The following FOXO3 variants were observed in gnomAD, a reference collection of about 807,000 sequenced individuals.
FOXO3 encodes the protein forkhead box O3, also known as forkhead box protein O3.
A neutral mutation model predicts 41.9 loss-of-function variants in FOXO3; 4 were observed. The observed-to-expected ratio is 0.10, with a 90% confidence interval of 0.05 to 0.22. The LOEUF is 0.22. Among genes scored for constraint, FOXO3 ranks in the 10% least tolerant of loss-of-function variants. The pLI, the probability that FOXO3 is intolerant of heterozygous loss-of-function variation, is 1.00. For synonymous variants in FOXO3, 318 were observed against 389.3 expected (o/e 0.82, Z 2.16); for missense variants, 534 against 906.8 (o/e 0.59, Z 5.28).
At chr6:108,635,482 G>T (rs780675105) in intron 1 of FOXO3, among the ~76,000 whole-genome samples, 6 of 152,108 alleles carry the variant, frequency 3.9e-5, no homozygotes, top group Non-Finnish European at 7.4e-5. Context: ...TGCTAAAGTC[G>T]AGCAGTGGGT....
At chr6:108,610,753 A>C (rs1777337910) in intron 1 of FOXO3, among the ~76,000 whole-genome samples, 1 of 152,222 alleles carries the variant, frequency 6.6e-6, no homozygotes, top group Non-Finnish European at 1.5e-5. Flanking sequence ...TTTTCCTATA[A>C]TCCTGCTGTT....
intron 1 of FOXO3, among the ~76,000 whole-genome samples, chr6:108,644,961 T>C (rs1778355879): frequency 6.6e-6 from 1 of 152,210 alleles, no homozygotes; most frequent in East Asian, 1.9e-4. Flanking sequence ...CCAGGGACCA[T>C]GTCTGTCTGT....
chr6:108,569,987 G>GTTTTTTTTTTTTTTTTTTTTTTT (rs71015551), intron 1 of FOXO3, among the ~76,000 whole-genome samples: 3 of 73,262 alleles, frequency 4.1e-5, no homozygotes, highest in Non-Finnish European at 7.2e-5. Context: ...CCCTTGCGTG[G>GTTTTTTTTTTTTTTTTTTTTTTT]TTTTTTTTTT....
chr6:108,608,873 G>A (rs1562242928), intron 1 of FOXO3, among the ~76,000 whole-genome samples: 1 of 152,172 alleles, frequency 6.6e-6, no homozygotes, highest in African/African-American at 2.4e-5. Context: ...TCCAGAAAAC[G>A]GGCCCTAAAT....
chr6:108,639,858 A>G (rs897681935), intron 1 of FOXO3, among the ~76,000 whole-genome samples: 4 of 152,188 alleles, frequency 2.6e-5, no homozygotes, highest in Non-Finnish European at 5.9e-5. Context: ...ATTGAACACA[A>G]TACTCTGTGA....
chr6:108,659,355 G>A (rs2128385524), intron 1 of FOXO3, among the ~76,000 whole-genome samples: 1 of 152,290 alleles, frequency 6.6e-6, no homozygotes, highest in African/African-American at 2.4e-5. Context: ...GTTAGCCCAA[G>A]TAGATTAAAT....
At chr6:108,611,570 T>G (rs1777365432) in intron 1 of FOXO3, among the ~76,000 whole-genome samples, 1 of 152,254 alleles carries the variant, frequency 6.6e-6, no homozygotes, top group Admixed American at 6.5e-5. Flanking sequence ...TATAATGTAG[T>G]GGTAGATACC....
intron 1 of FOXO3, among the ~76,000 whole-genome samples, chr6:108,612,828 T>A (rs1244739885): frequency 2.0e-5 from 3 of 152,224 alleles, no homozygotes; most frequent in Non-Finnish European, 4.4e-5. Context: ...TTACCATTTT[T>A]CTCATCTTAA....
intron 1 of FOXO3, among the ~76,000 whole-genome samples, chr6:108,580,327 T>C (rs1338300808): frequency 6.6e-6 from 1 of 151,998 alleles, no homozygotes; most frequent in African/African-American, 2.4e-5. Context: ...TAGCTGGGAT[T>C]ACAGGTGCCC....
intron 1 of FOXO3, among the ~76,000 whole-genome samples, chr6:108,594,541 G>A (rs573806166): frequency 8.4e-4 from 128 of 152,250 alleles, no homozygotes; most frequent in Non-Finnish European, 1.3e-3. Flanking sequence ...CCCTGCCTCA[G>A]CCACCTCTCC....
chr6:108,606,863 G>A (rs1029450492), intron 1 of FOXO3, among the ~76,000 whole-genome samples: 1 of 152,178 alleles, frequency 6.6e-6, no homozygotes, highest in African/African-American at 2.4e-5. Flanking sequence ...TGACAGGAGG[G>A]GGTGAGGATG....
chr6:108,571,852 AT>A (rs1776107905), intron 1 of FOXO3, among the ~76,000 whole-genome samples: 1 of 152,218 alleles, frequency 6.6e-6, no homozygotes, highest in Non-Finnish European at 1.5e-5. Context: ...AAGAGTGGGA[AT>A]GGCACAGTTG....
chr6:108,594,759 G>A (rs1222199875), intron 1 of FOXO3, among the ~76,000 whole-genome samples: 1 of 152,186 alleles, frequency 6.6e-6, no homozygotes, highest in Non-Finnish European at 1.5e-5. Flanking sequence ...GGGCAGAATG[G>A]CTAGGCACTG....
At chr6:108,661,687 G>T (rs1778870659) in intron 1 of FOXO3, among the ~76,000 whole-genome samples, 1 of 152,184 alleles carries the variant, frequency 6.6e-6, no homozygotes, top group Non-Finnish European at 1.5e-5. Flanking sequence ...ATGAAGGTGG[G>T]GAACTGCAGT....
At chr6:108,618,062 A>G (rs900649114) in intron 1 of FOXO3, 2 of 715,152 alleles carry the variant, frequency 2.8e-6, no homozygotes, top group Non-Finnish European at 2.6e-6. Flanking sequence ...TCCATTTCCA[A>G]CTGTACAGGT....
In FOXO3 at chr6:108,663,726, G is replaced by A. The variant is rs1298172112; in HGVS notation, c.893G>A (p.Arg298His). Residue 298 changes from arginine (R) to histidine (H), a missense_variant, in exon 2 of 3, where the codon CGC becomes CAC. By Grantham distance (29) the Arg-to-His change is conservative. Transcript: ENST00000406360. ...LSKWPGSPTS[R>H]SSDELDAWTD... ...AAGTGGCCTGGCAGCCCCACGTCAC[G>A]CAGCAGTGATGAGCTGGATGCGTGG... 6 of 1,613,538 alleles carry A rather than the reference G, an allele frequency of 3.7e-6. No individual in the cohort carries two copies. The highest frequency in any genetic ancestry group is 4.5e-5 in the East Asian group (2 of 44,858).
chr6:108,585,037 T>TTTTTC (rs1205798052), intron 1 of FOXO3, among the ~76,000 whole-genome samples: 1 of 120,326 alleles, frequency 8.3e-6, no homozygotes, highest in Non-Finnish European at 1.8e-5. Context: ...TTTTTTTTTT[T>TTTTTC]TTTTTTTTTT....
chr6:108,599,408 T>C (rs1210776197), intron 1 of FOXO3, among the ~76,000 whole-genome samples: 3 of 152,262 alleles, frequency 2.0e-5, no homozygotes, highest in Non-Finnish European at 4.4e-5. Context: ...TTATTTCTTA[T>C]TTGAACGGTG....
rs185295722 is a variant in FOXO3 at position 108,619,261 on chromosome 6, G to A, written c.622-44194G>A. On this transcript the variant is annotated intron_variant, in intron 1 of 2. Coordinates refer to ENST00000406360, the MANE Select transcript of FOXO3 (RefSeq NM_001455.4). ...AGCATTCTGTTTATGTAACACAGAC[G>A]TGGCATTCTTTACTTTCTAACTTAG... is the stretch of plus-strand genomic sequence containing the variant. Among the ~76,000 whole-genome samples, 55 of 152,340 alleles carry A rather than the reference G, an allele frequency of 3.6e-4. 1 individual carries two copies. Among genetic ancestry groups the A allele is most frequent in the African/African-American group, 1.3e-3 (52 of 41,576 alleles).
Sources: gnomAD v4.1 joint callset for allele counts (sites outside exome capture counted in the v4.1 genomes callset) on GRCh38, gnomAD v4.1.1 for gene constraint, MANE v1.5 for transcripts, NCBI Gene and HGNC (gene_info 2026-07-23, HGNC 2026-07-21) for gene names.